KCNMB2: variants seen among roughly 807,000 people sequenced by gnomAD.
KCNMB2 encodes potassium calcium-activated channel subfamily M regulatory beta subunit 2, also known as calcium-activated potassium channel subunit beta-2.
In KCNMB2, 9 loss-of-function variants were observed where a neutral mutation model predicts 24.5. The ratio of observed to expected loss-of-function variants is 0.37; its 90% confidence interval spans 0.22 to 0.64. KCNMB2 has a LOEUF of 0.64. Ranked by LOEUF, KCNMB2 falls within the 30% of genes least tolerant of loss-of-function variation. KCNMB2 has a pLI of 0.63. For synonymous variants in KCNMB2, 109 were observed against 104.4 expected (o/e 1.04, Z -0.27); for missense variants, 226 against 284.3 (o/e 0.79, Z 1.47).
intron 1 of KCNMB2, among the ~76,000 whole-genome samples, chr3:178,746,546 C>T (rs898178331): frequency 1.3e-5 from 2 of 152,172 alleles, no homozygotes; most frequent in East Asian, 1.9e-4. Flanking sequence ...TTTCTGCAGC[C>T]GGCTTGAATT....
chr3:178,683,896 G>A (rs964204458), intron 1 of KCNMB2, among the ~76,000 whole-genome samples: 2 of 152,164 alleles, frequency 1.3e-5, no homozygotes, highest in South Asian at 4.2e-4. Flanking sequence ...AGAACAGTAT[G>A]GAGGTTTCTA....
chr3:178,635,373 A>G (rs1719481820), intron 1 of KCNMB2, among the ~76,000 whole-genome samples: 1 of 151,586 alleles, frequency 6.6e-6, no homozygotes, highest in Admixed American at 6.6e-5. Flanking sequence ...CTTGTTTGCA[A>G]TAATTATAAT....
At position 178,603,092 on chromosome 3, in the gene KCNMB2, G is replaced by A. The variant is rs892952859; in HGVS notation, c.-68+66381G>A. ...CTCAGTGACTAATTGGATATGGCAGGTGATGAGGTCTTTGAAGTGTGTAGT... is the reference window on the plus strand; with the variant it reads ...CTCAGTGACTAATTGGATATGGCAGATGATGAGGTCTTTGAAGTGTGTAGT... On this transcript the variant is annotated intron_variant, in intron 1 of 4. Transcript: ENST00000452583. 1.5e-4 allele frequency among the ~76,000 whole-genome samples: 23 copies of A among 152,250 alleles called. 1 individual carries two copies. The highest frequency in any genetic ancestry group is 1.4e-3 in the Admixed American group (22 of 15,290).
chr3:178,725,006 T>C (rs1722923155), intron 1 of KCNMB2, among the ~76,000 whole-genome samples: 1 of 152,248 alleles, frequency 6.6e-6, no homozygotes, highest in African/African-American at 2.4e-5. Flanking sequence ...GACTCTTTTT[T>C]GGTGAGAAAT....
intron 1 of KCNMB2, among the ~76,000 whole-genome samples, chr3:178,776,005 A>C (rs1179048624): frequency 6.6e-6 from 1 of 152,148 alleles, no homozygotes; most frequent in Non-Finnish European, 1.5e-5. Context: ...TTTCTTAAAA[A>C]TTCTTAACAC....
At chr3:178,579,418 GA>G (rs1435847072) in intron 1 of KCNMB2, among the ~76,000 whole-genome samples, 1 of 152,106 alleles carries the variant, frequency 6.6e-6, no homozygotes, top group Non-Finnish European at 1.5e-5. Flanking sequence ...GAGAAAGCAG[GA>G]AAGATCTAAA....
intron 4 of KCNMB2, among the ~76,000 whole-genome samples, chr3:178,831,456 G>A (rs34204368): frequency 0.18 from 27,245 of 152,008 alleles, 2,977 homozygotes; most frequent in Middle Eastern, 0.27. Flanking sequence ...TATGTTCATG[G>A]CAGCAGTTCT....
chr3:178,643,643 A>G (rs1194482584), intron 1 of KCNMB2, among the ~76,000 whole-genome samples: 1 of 152,194 alleles, frequency 6.6e-6, no homozygotes, highest in Non-Finnish European at 1.5e-5. Context: ...AGGAGCTAAA[A>G]GTCAGGCATC....
intron 1 of KCNMB2, among the ~76,000 whole-genome samples, chr3:178,781,008 G>A (rs1359295680): frequency 1.3e-5 from 2 of 152,112 alleles, no homozygotes; most frequent in South Asian, 4.1e-4. Flanking sequence ...AGTGCTATAA[G>A]TATAAAATAT....
intron 1 of KCNMB2, among the ~76,000 whole-genome samples, chr3:178,607,650 T>C (rs1426330584): frequency 1.3e-5 from 2 of 149,090 alleles, no homozygotes; most frequent in African/African-American, 2.6e-5. Context: ...TGTGTGTGTG[T>C]GTATGTGTGC....
intron 1 of KCNMB2, among the ~76,000 whole-genome samples, chr3:178,606,933 T>C (rs1254548770): frequency 6.6e-6 from 1 of 152,198 alleles, no homozygotes; most frequent in Non-Finnish European, 1.5e-5. Context: ...AAGACAGCCA[T>C]CTATGAACCA....
intron 1 of KCNMB2, among the ~76,000 whole-genome samples, chr3:178,781,807 T>A (rs192992335): frequency 6.6e-6 from 1 of 151,584 alleles, no homozygotes; most frequent in African/African-American, 2.4e-5. Context: ...TTTTTTATTA[T>A]ACTTTAAGTT....
chr3:178,612,838 C>T (rs1475099325), intron 1 of KCNMB2, among the ~76,000 whole-genome samples: 1 of 151,538 alleles, frequency 6.6e-6, no homozygotes, highest in Non-Finnish European at 1.5e-5. Context: ...TCTTGTTTTC[C>T]TCTAGTGAAG....
intron 1 of KCNMB2, among the ~76,000 whole-genome samples, chr3:178,697,048 G>A (rs906849264): frequency 6.6e-6 from 1 of 152,154 alleles, no homozygotes; most frequent in Admixed American, 6.5e-5. Context: ...TAGAGTATGT[G>A]CCATGTGGTA....
chr3:178,754,234 C>T (rs1341132661), intron 1 of KCNMB2, among the ~76,000 whole-genome samples: 1 of 145,222 alleles, frequency 6.9e-6, no homozygotes, highest in Admixed American at 7.0e-5. Context: ...ATTCATTCAT[C>T]TACTGATGGA....
chr3:178,710,291 G>A (rs924218550), intron 1 of KCNMB2, among the ~76,000 whole-genome samples: 3 of 152,002 alleles, frequency 2.0e-5, no homozygotes, highest in African/African-American at 7.2e-5. Context: ...AGGGCCCAGA[G>A]GTATATTCAC....
intron 1 of KCNMB2, among the ~76,000 whole-genome samples, chr3:178,652,931 G>C (rs1278996819): frequency 1.3e-5 from 2 of 152,048 alleles, no homozygotes; most frequent in African/African-American, 2.4e-5. Flanking sequence ...CCAAAGTGCT[G>C]AGATTACAGG....
chr3:178,676,980 G>C (rs944726389), intron 1 of KCNMB2, among the ~76,000 whole-genome samples: 1 of 152,270 alleles, frequency 6.6e-6, no homozygotes, highest in African/African-American at 2.4e-5. Flanking sequence ...GGCCATAGGA[G>C]TGGCCAACCT....
chr3:178,840,067 G>C (rs893391208), intron 4 of KCNMB2, among the ~76,000 whole-genome samples: 1 of 152,272 alleles, frequency 6.6e-6, no homozygotes, highest in Non-Finnish European at 1.5e-5. Flanking sequence ...AGATACAATG[G>C]GGGTACAGGC....
Sources: gnomAD v4.1 joint callset for allele counts (sites outside exome capture counted in the v4.1 genomes callset) on GRCh38, gnomAD v4.1.1 for gene constraint, MANE v1.5 for transcripts, NCBI Gene and HGNC (gene_info 2026-07-23, HGNC 2026-07-21) for gene names.